Variants in ATP6V1H observed in about 807,000 individuals in gnomAD.
The protein encoded by ATP6V1H is ATPase H+ transporting V1 subunit H, also known as V-type proton ATPase subunit H.
Under a neutral mutation model 71.7 loss-of-function variants are expected in ATP6V1H, and 39 were observed. The observed-to-expected ratio is 0.54, with a 90% CI of 0.42 to 0.71. The LOEUF (loss-of-function observed/expected upper bound fraction) is 0.71, where lower values mean the gene tolerates loss of function less well. Ranked by LOEUF, ATP6V1H falls within the 30% of genes least tolerant of loss-of-function variation. The probability of loss-of-function intolerance (pLI) is 0.00; values close to 1 mark genes in which losing one functional copy is unlikely to be tolerated. For synonymous variants in ATP6V1H, 192 were observed against 199.3 expected (o/e 0.96, Z 0.31); for missense variants, 509 against 594.9 (o/e 0.86, Z 1.50).
At chr8:53,801,181 C>T (rs978133025) in intron 8 of ATP6V1H, among the ~76,000 whole-genome samples, 4 of 152,112 alleles carry the variant, frequency 2.6e-5, no homozygotes, top group Non-Finnish European at 5.9e-5. Flanking sequence ...TCCTCACCCA[C>T]CAAGCAACTT....
intron 12 of ATP6V1H, among the ~76,000 whole-genome samples, chr8:53,746,655 C>T (rs1016083609): frequency 6.6e-6 from 1 of 152,066 alleles, no homozygotes; most frequent in South Asian, 2.1e-4. Context: ...TGGATGATCT[C>T]GCCCCACTGA....
chr8:53,805,212 G>A lies in ATP6V1H; in HGVS notation c.580-3316C>T, dbSNP rs146417705. The stretch of plus-strand genomic sequence containing the variant: ...ATTCATCTACATTCTGGAATTATCC[G>A]CACTTGAGAAAACAAGTCTGCTTGG... On this transcript the variant is annotated intron_variant, in intron 7 of 13. Coordinates refer to ENST00000359530, the MANE Select transcript of ATP6V1H (RefSeq NM_015941.4). Among the ~76,000 whole-genome samples the A allele has an allele frequency of 4.4e-3, 672 of 152,226 alleles. 3 individuals are homozygous for A. The highest frequency in any genetic ancestry group is 0.014 in the African/African-American group (581 of 41,526).
At chr8:53,761,293 C>T (rs1423634681) in intron 11 of ATP6V1H, among the ~76,000 whole-genome samples, 22 of 151,088 alleles carry the variant, frequency 1.5e-4, no homozygotes, top group Admixed American at 4.6e-4. Context: ...GCCGAGATCG[C>T]GCCACTGCAC....
chr8:53,781,312 T>C (rs1809118878), intron 9 of ATP6V1H, among the ~76,000 whole-genome samples: 1 of 152,256 alleles, frequency 6.6e-6, no homozygotes, highest in Non-Finnish European at 1.5e-5. Context: ...CATTTTTTCA[T>C]GTGTTTTATG....
At chr8:53,720,329 G>T (rs908763236) in intron 13 of ATP6V1H, among the ~76,000 whole-genome samples, 1 of 152,056 alleles carries the variant, frequency 6.6e-6, no homozygotes, top group African/African-American at 2.4e-5. Context: ...GTACATAAAC[G>T]GCTCACAAAA....
At chr8:53,743,517 G>A in intron 13 of ATP6V1H, 60 bp downstream of exon 13, 2 of 1,217,180 alleles carry the variant, frequency 1.6e-6, no homozygotes, top group East Asian at 4.7e-5. Context: ...AGAACTTTTA[G>A]AATGGCAAGT....
In ATP6V1H at chr8:53,775,335, C is replaced by A. The variant is rs574029601; in HGVS notation, c.871-3168G>T. The stretch of plus-strand genomic sequence containing the variant: ...ATTTATTGCAAAGAGCGAAAGAACA[C>A]AGCTCCCACAGTGTGGAAGGGGACC... On this transcript the variant is annotated intron_variant, in intron 9 of 13. Transcript: ENST00000359530. 2.2e-3 allele frequency among the ~76,000 whole-genome samples: 336 copies of A among 152,300 alleles called. 2 individuals carry two copies. The highest frequency in any genetic ancestry group is 7.8e-3 in the African/African-American group (325 of 41,564).
At chr8:53,775,175 T>G (rs1294423822) in intron 9 of ATP6V1H, among the ~76,000 whole-genome samples, 1 of 152,086 alleles carries the variant, frequency 6.6e-6, no homozygotes, top group Admixed American at 6.5e-5. Flanking sequence ...TTACGGCTCT[T>G]AAGGCGGCGC....
intron 13 of ATP6V1H, among the ~76,000 whole-genome samples, chr8:53,723,166 A>G (rs1460046744): frequency 6.6e-6 from 1 of 152,240 alleles, no homozygotes; most frequent in Non-Finnish European, 1.5e-5. Context: ...CACACTACAT[A>G]GAAGGTGACA....
intron 4 of ATP6V1H, among the ~76,000 whole-genome samples, chr8:53,818,825 A>G (rs747293013): frequency 7.9e-5 from 12 of 152,236 alleles, no homozygotes; most frequent in Non-Finnish European, 1.6e-4. Context: ...TAGAAAAAAA[A>G]TTATTATAAA....
Position 53,715,632 on chromosome 8 carries a change from G to A in ATP6V1H, c.*332C>T, listed in dbSNP as rs893076758. The stretch of plus-strand genomic sequence containing the variant: ...TTTGGTTTGAAAAGAGACAACAGTT[G>A]ACTTTTGTTCAAAGTCCAAGTAAAG... On this transcript the variant is annotated 3_prime_UTR_variant, in exon 14 of 14. Transcript: ENST00000359530. The A allele has an allele frequency of 1.7e-5, 4 of 229,544 alleles. No individual in the cohort carries two copies. The highest frequency in any genetic ancestry group is 9.0e-5 in the African/African-American group (4 of 44,306). 14.2% of individuals were successfully genotyped at this position (229,544 alleles called of 1,614,324 possible).
rs567058074 is a variant in ATP6V1H at position 53,763,548 on chromosome 8, C to T, written c.1175+6070G>A. ...ATCCCTATTAGTCCAAACTGGGTTC[C>T]TTGTAGATTTTAACAAGGTGATTCT... On this transcript the variant is annotated intron_variant, in intron 11 of 13. Coordinates refer to ENST00000359530, the MANE Select transcript of ATP6V1H (RefSeq NM_015941.4). 2.2e-3 allele frequency among the ~76,000 whole-genome samples: 335 copies of T among 152,232 alleles called. 2 individuals carry two copies. Among genetic ancestry groups the T allele is most frequent in the African/African-American group, 7.8e-3 (324 of 41,536 alleles).
At chr8:53,799,844 T>C (rs1156704984) in intron 8 of ATP6V1H, among the ~76,000 whole-genome samples, 4 of 152,264 alleles carry the variant, frequency 2.6e-5, no homozygotes, top group South Asian at 2.1e-4. Flanking sequence ...AAGATGGCCA[T>C]TTATGAATGA....
chr8:53,744,362 C>A (rs1045344443), intron 12 of ATP6V1H, among the ~76,000 whole-genome samples: 21 of 151,914 alleles, frequency 1.4e-4, no homozygotes, highest in Admixed American at 1.2e-3. Context: ...ATTACAAACA[C>A]AAAGGAAAGT....
chr8:53,796,268 T>A lies in ATP6V1H; in HGVS notation c.678-429A>T, dbSNP rs147578135. Among the ~76,000 whole-genome samples, 327 of 152,214 alleles carry A rather than the reference T, an allele frequency of 2.1e-3. 1 individual carries two copies. Among genetic ancestry groups the A allele is most frequent in the African/African-American group, 6.2e-3 (259 of 41,542 alleles). ...GGTGAAAACCTGTGATGGGTTCAAA[T>A]TTGACATAGCCAATTACTGAATTCG... On this transcript the variant is annotated intron_variant, in intron 8 of 13. Coordinates refer to ENST00000359530, the MANE Select transcript of ATP6V1H (RefSeq NM_015941.4).
In ATP6V1H at chr8:53,805,471, G is replaced by A. The variant is rs562575404; in HGVS notation, c.580-3575C>T. On this transcript the variant is annotated intron_variant, in intron 7 of 13. Coordinates refer to ENST00000359530, the MANE Select transcript of ATP6V1H (RefSeq NM_015941.4). ...AAAAGGTGATTGTATATGTGTGTAT[G>A]TGTGATTTTTGCTTCAATATAGACA... is the stretch of plus-strand genomic sequence containing the variant. 8.9e-4 allele frequency among the ~76,000 whole-genome samples: 136 copies of A among 152,278 alleles called. 1 individual carries two copies. Among genetic ancestry groups the A allele is most frequent in the African/African-American group, 3.2e-3 (135 of 41,558 alleles).
chr8:53,763,519 C>A (rs546838918), intron 11 of ATP6V1H, among the ~76,000 whole-genome samples: 24 of 152,296 alleles, frequency 1.6e-4, no homozygotes, highest in African/African-American at 5.5e-4. Flanking sequence ...ACAGCTTCAA[C>A]AGAATCCCTA....
intron 9 of ATP6V1H, among the ~76,000 whole-genome samples, chr8:53,775,083 G>A (rs1808816990): frequency 6.6e-6 from 1 of 152,236 alleles, no homozygotes; most frequent in Admixed American, 6.5e-5. Flanking sequence ...CTGATGTTCA[G>A]ATGTGTTCGG....
intron 9 of ATP6V1H, among the ~76,000 whole-genome samples, chr8:53,780,077 T>A (rs1260305227): frequency 6.7e-6 from 1 of 150,202 alleles, no homozygotes; most frequent in Non-Finnish European, 1.5e-5. Flanking sequence ...GAGAATCACT[T>A]GAACACAGGA....
Sources: allele counts gnomAD v4.1 joint callset (sites outside exome capture counted in the v4.1 genomes callset), GRCh38; gene constraint gnomAD v4.1.1; transcripts MANE v1.5; gene names NCBI Gene and HGNC (gene_info 2026-07-23, HGNC 2026-07-21).